Variants in STIM2 observed in about 807,000 individuals in gnomAD.
STIM2 encodes the protein stromal interaction molecule 2.
Under a neutral mutation model 85.8 loss-of-function variants are expected in STIM2, and 31 were observed. The observed-to-expected ratio is 0.36, with a 90% CI of 0.27 to 0.49. The LOEUF (loss-of-function observed/expected upper bound fraction) is 0.49. Among genes scored for constraint, STIM2 ranks in the 20% least tolerant of loss-of-function variants. STIM2 has a pLI of 0.98. For synonymous variants in STIM2, 356 were observed against 331.1 expected (o/e 1.08, Z -0.82); for missense variants, 841 against 927.6 (o/e 0.91, Z 1.21).
intron 5 of STIM2, among the ~76,000 whole-genome samples, chr4:26,999,595 A>G (rs1473078534): frequency 6.6e-6 from 1 of 152,204 alleles, no homozygotes; most frequent in Non-Finnish European, 1.5e-5. Context: ...TTAGCTGTTA[A>G]TTTAGAATTT....
intron 1 of STIM2, among the ~76,000 whole-genome samples, chr4:26,909,710 G>A (rs1724261844): frequency 6.6e-6 from 1 of 152,114 alleles, no homozygotes; most frequent in African/African-American, 2.4e-5. Context: ...CATTTTAACC[G>A]TTTTTGAGCA....
Sources: allele counts gnomAD v4.1 joint callset (sites outside exome capture counted in the v4.1 genomes callset), GRCh38; gene constraint gnomAD v4.1.1; transcripts MANE v1.5; gene names NCBI Gene and HGNC (gene_info 2026-07-23, HGNC 2026-07-21).